Variants in CCDC60 observed in about 807,000 individuals in gnomAD.
The protein encoded by CCDC60 is coiled-coil domain-containing protein 60.
CCDC60 carries 54 observed loss-of-function variants against 63.5 expected under a neutral mutation model. That is an observed-to-expected ratio of 0.85 (90% CI 0.68 to 1.07). The LOEUF (loss-of-function observed/expected upper bound fraction) is 1.07, where lower values mean the gene tolerates loss of function less well. CCDC60 is among the 50% of genes least tolerant of loss of function. The pLI, the probability that CCDC60 is intolerant of heterozygous loss-of-function variation, is 0.00. For synonymous variants in CCDC60, 206 were observed against 238.8 expected, an observed-to-expected ratio of 0.86 and a Z score of 1.27; for missense variants, 651 against 684.3, an observed-to-expected ratio of 0.95 and a Z score of 0.54.
chr12:119,348,495 C>T (rs1156598759), intron 1 of CCDC60, among the ~76,000 whole-genome samples: 4 of 152,166 alleles, frequency 2.6e-5, no homozygotes, highest in Admixed American at 2.6e-4. Context: ...GCATCTGGGT[C>T]ACGGGCTCAT....
At chr12:119,427,657 T>C (rs900285031) in intron 1 of CCDC60, among the ~76,000 whole-genome samples, 4 of 152,158 alleles carry the variant, frequency 2.6e-5, no homozygotes, top group African/African-American at 9.7e-5. Flanking sequence ...CCTTCTGAAA[T>C]GCCAGCACAA....
chr12:119,539,421 T>A (rs1953095044), intron 13 of CCDC60, among the ~76,000 whole-genome samples: 1 of 152,256 alleles, frequency 6.6e-6, no homozygotes, highest in Non-Finnish European at 1.5e-5. Context: ...GCAGTTTGGC[T>A]ACAGTGGCTT....
rs1260709740 is a variant in CCDC60, at chr12:119,378,333, G to A, written c.90+43067G>A. ...ATTCACCCGTGCAAGCTTCTAGCTT[G>A]CCTTTCTATGTCTGCAGCTTGATTT... On this transcript the variant is annotated intron_variant, in intron 1 of 13. Coordinates refer to ENST00000327554, the MANE Select transcript of CCDC60 (RefSeq NM_178499.5). 2.6e-5 allele frequency among the ~76,000 whole-genome samples: 4 copies of A among 152,290 alleles called. No homozygotes were observed. The East Asian group carries it at 7.7e-4, about 29-fold the overall frequency.
intron 2 of CCDC60, 67 bp from the exon 3 acceptor site, chr12:119,471,927 T>C: frequency 7.4e-7 from 1 of 1,353,268 alleles, no homozygotes; most frequent in Non-Finnish European, 1.0e-6. Context: ...TCTCCTTCTC[T>C]TTCCTTCTCT....
At position 119,518,150 on chromosome 12, in the gene CCDC60, T is replaced by C. The variant is rs143004517; in HGVS notation, c.968+1443T>C. On this transcript the variant is annotated intron_variant, in intron 8 of 13. Transcript: ENST00000327554. Reference sequence around the variant, plus strand: ...TTGGGGCTGCTCTGGAAGGTGGCACTTGGAGGCACTCAGAGACAATGCTGA... The same window carrying C: ...TTGGGGCTGCTCTGGAAGGTGGCACCTGGAGGCACTCAGAGACAATGCTGA... Among the ~76,000 whole-genome samples the C allele has an allele frequency of 3.4e-4, 52 of 152,258 alleles. 1 individual carries two copies. Among genetic ancestry groups the C allele is most frequent in the African/African-American group, 1.2e-3 (50 of 41,554 alleles).
rs17484076 is a variant in CCDC60, at chr12:119,530,850, T to C, written c.1362-24T>C. The C allele has an allele frequency of 5.2e-3, 8,368 of 1,601,728 alleles. 22 individuals carry two copies. Among genetic ancestry groups the C allele is most frequent in the Non-Finnish European group, 6.3e-3 (7,437 of 1,172,930 alleles). ...CAGATCTTCCAGCAGCTTCCTAACTTGTCCTCTCCTTTTGGAATTGAAGGT... is the reference window on the plus strand; with the variant it reads ...CAGATCTTCCAGCAGCTTCCTAACTCGTCCTCTCCTTTTGGAATTGAAGGT... On this transcript the variant is annotated intron_variant, in intron 12 of 13. Transcript: ENST00000327554.
chr12:119,424,580 C>A (rs1197222291), intron 1 of CCDC60, among the ~76,000 whole-genome samples: 1 of 152,166 alleles, frequency 6.6e-6, no homozygotes, highest in Non-Finnish European at 1.5e-5. Flanking sequence ...AAATTGCCCT[C>A]TAGAAAGGTT....
At chr12:119,355,712 C>T (rs544633605) in intron 1 of CCDC60, among the ~76,000 whole-genome samples, 136 of 152,330 alleles carry the variant, frequency 8.9e-4, no homozygotes, top group Admixed American at 1.7e-3. Flanking sequence ...CAGTGTGCCA[C>T]GAGTAGCAGC....
chr12:119,432,546 T>A (rs774208113), intron 2 of CCDC60, among the ~76,000 whole-genome samples: 50 of 152,316 alleles, frequency 3.3e-4, no homozygotes, highest in Admixed American at 5.9e-4. Context: ...TGCAAAGACA[T>A]GTCAGAATCT....
In CCDC60 at chr12:119,427,748, G is replaced by A. The variant is rs141360576; in HGVS notation, c.91-935G>A. On this transcript the variant is annotated intron_variant, in intron 1 of 13. Coordinates refer to ENST00000327554, the MANE Select transcript of CCDC60 (RefSeq NM_178499.5). ...TTTTATTTAAAAAAAATCCTAAGGT[G>A]CAGGAAAATTTCAAGACAAGATAAT... Among the ~76,000 whole-genome samples the A allele has an allele frequency of 1.6e-4, 24 of 152,214 alleles. No individual in the cohort carries two copies. The East Asian group carries it at 3.7e-3, about 23-fold the overall frequency.
intron 1 of CCDC60, among the ~76,000 whole-genome samples, chr12:119,342,771 C>T (rs1452406310): frequency 1.3e-5 from 2 of 152,176 alleles, no homozygotes; most frequent in Non-Finnish European, 2.9e-5. Context: ...ATGAGACACT[C>T]TGGACACTCT....
chr12:119,530,969 T>C lies in CCDC60; in HGVS notation c.1457T>C (p.Leu486Pro), dbSNP rs781568829. The change falls in exon 13 of 14, where the codon CTG becomes CCG. Residue 486 changes from leucine to proline, a missense_variant. Leu to Pro is a moderately conservative substitution (Grantham distance 98). Coordinates refer to ENST00000327554, the MANE Select transcript of CCDC60 (RefSeq NM_178499.5). ...LVKLQKFGEN[L>P]DLRIRPHVLL... ...AAACTGCAGAAGTTTGGAGAAAACC[T>C]GGACTTGCGGATTCGACCCCATGTC... 1.2e-6 allele frequency: 2 copies of C among 1,614,164 alleles called. No individual in the cohort carries two copies. The highest frequency in any genetic ancestry group is 1.7e-6 in the Non-Finnish European group (2 of 1,180,004).
rs540572584 is a variant in CCDC60, at chr12:119,487,521, A to G, written c.450-1238A>G. On this transcript the variant is annotated intron_variant, in intron 4 of 13. Coordinates refer to ENST00000327554, the MANE Select transcript of CCDC60 (RefSeq NM_178499.5). ...ACCATGTTGGCCAGGCTGGTCTTGAACTCCTGACCTAGTAATCCGCCTGCC... is the reference window on the plus strand; with the variant it reads ...ACCATGTTGGCCAGGCTGGTCTTGAGCTCCTGACCTAGTAATCCGCCTGCC... Among the ~76,000 whole-genome samples the G allele has an allele frequency of 2.0e-5, 3 of 150,634 alleles. No homozygotes were observed. In the South Asian group the frequency reaches 6.3e-4, roughly 32 times the overall value.
At chr12:119,346,808 C>A (rs1955599977) in intron 1 of CCDC60, among the ~76,000 whole-genome samples, 1 of 130,200 alleles carries the variant, frequency 7.7e-6, no homozygotes, top group East Asian at 2.0e-4. Flanking sequence ...TTCTTTCTTT[C>A]TTTCTTTCTT....
chr12:119,349,322 G>A (rs1007669019), intron 1 of CCDC60, among the ~76,000 whole-genome samples: 1 of 150,158 alleles, frequency 6.7e-6, no homozygotes, highest in Non-Finnish European at 1.5e-5. Flanking sequence ...CAAGGCCAAG[G>A]TCCAGGGCGT....
At chr12:119,342,640 GA>G (rs1955544396) in intron 1 of CCDC60, among the ~76,000 whole-genome samples, 2 of 152,178 alleles carry the variant, frequency 1.3e-5, no homozygotes, top group South Asian at 4.1e-4. Flanking sequence ...GGGGGTGAGG[GA>G]AAAAGTAGAG....
intron 7 of CCDC60, among the ~76,000 whole-genome samples, chr12:119,511,744 G>A (rs1173769317): frequency 6.6e-6 from 1 of 152,120 alleles, no homozygotes; most frequent in African/African-American, 2.4e-5. Flanking sequence ...AGGTCGCTGT[G>A]GTCATTTGCT....
rs1329180609 is a variant in CCDC60, at chr12:119,522,997, A to T, written c.1099A>T (p.Lys367Ter). 1 of 1,613,978 alleles carries T rather than the reference A, an allele frequency of 6.2e-7. No homozygotes were observed. The highest frequency in any genetic ancestry group is 1.1e-5 in the South Asian group (1 of 91,074). ...SHIQPVQKKS[K>*]NRTNCDINIH... ...CATCCAACCAGTCCAGAAGAAGTCT[A>T]AAAAGTAAGCCAGGAGGGCAATGGA... The change falls in exon 10 of 14, where the codon AAA becomes TAA. Residue 367 changes from lysine to a stop codon, truncating the protein, a stop_gained. Coordinates refer to ENST00000327554, the MANE Select transcript of CCDC60 (RefSeq NM_178499.5). LOFTEE classifies it high-confidence loss of function.
intron 1 of CCDC60, among the ~76,000 whole-genome samples, chr12:119,346,208 A>G (rs996472854): frequency 1.3e-5 from 2 of 151,882 alleles, no homozygotes; most frequent in African/African-American, 2.4e-5. Context: ...TAACCTGGAA[A>G]TTGCTAGGCT....
Sources: allele counts gnomAD v4.1 joint callset (sites outside exome capture counted in the v4.1 genomes callset), GRCh38; gene constraint gnomAD v4.1.1; transcripts MANE v1.5; gene names NCBI Gene and HGNC (gene_info 2026-07-23, HGNC 2026-07-21).